The following RYR3 variants were observed in gnomAD, a reference collection of about 807,000 sequenced individuals.
RYR3 encodes the protein ryanodine receptor 3, also known as brain ryanodine receptor-calcium release channel.
A neutral mutation model predicts 584.3 loss-of-function variants in RYR3; 207 were observed. The ratio of observed to expected loss-of-function variants is 0.35; its 90% CI spans 0.32 to 0.40. The LOEUF (loss-of-function observed/expected upper bound fraction) is 0.40, where lower values mean the gene tolerates loss of function less well. RYR3 is among the 10% of genes least tolerant of loss of function. The probability of loss-of-function intolerance (pLI) is 1.00; values close to 1 mark genes in which losing one functional copy is unlikely to be tolerated. For synonymous variants in RYR3, 2,416 were observed against 2,248.5 expected (o/e 1.07, Z -2.11); for missense variants, 5,616 against 6,089.2 (o/e 0.92, Z 2.59).
In RYR3 at chr15:33,838,502, G is replaced by A. The variant is rs771105584; in HGVS notation, c.12522G>A (p.Lys4174=). 2.0e-5 allele frequency: 32 copies of A among 1,613,988 alleles called. No homozygotes were observed. The highest frequency in any genetic ancestry group is 2.5e-5 in the Non-Finnish European group (30 of 1,179,880). The change falls in exon 89 of 104, where the codon AAG becomes AAA. Residue 4174 remains lysine, a synonymous_variant. Coordinates refer to ENST00000634891, the MANE Select transcript of RYR3 (RefSeq NM_001036.6). ...GGAAGCAGTACAGGAACGTGAAAAA[G>A]ATGACTGCGAAGGAGCTGGTGAAGG... is the stretch of plus-strand genomic sequence containing the variant. ...NLRKQYRNVK[K]MTAKELVKVL...
intron 3 of RYR3, among the ~76,000 whole-genome samples, chr15:33,523,788 G>A (rs2054190846): frequency 6.6e-6 from 1 of 152,116 alleles, no homozygotes; most frequent in South Asian, 2.1e-4. Context: ...CAACTGCAAC[G>A]AATCCCTGCA....
At chr15:33,327,712 G>T (rs561061738) in intron 1 of RYR3, among the ~76,000 whole-genome samples, 21 of 152,048 alleles carry the variant, frequency 1.4e-4, no homozygotes, top group South Asian at 2.1e-4. Context: ...CTGCCTGCCT[G>T]CCTTCCTTCC....
At chr15:33,726,575 C>A in intron 46 of RYR3, 69 bp downstream of exon 46, 9 of 1,474,314 alleles carry the variant, frequency 6.1e-6, no homozygotes, top group Non-Finnish European at 8.1e-6. Flanking sequence ...AGGACTCTGT[C>A]CCCAGCACAG....
Position 33,662,753 on chromosome 15 carries a change from T to A in RYR3, c.5223T>A (p.Asp1741Glu), listed in dbSNP as rs902077377. The change falls in exon 35 of 104, where the codon GAT (aspartate) becomes GAA (glutamate). Residue 1741 changes from aspartate to glutamate, a missense_variant. Transcript: ENST00000634891. Reference protein sequence around the residue: ...TLLVMGVFDDDDVRQILLLID... With the variant: ...TLLVMGVFDDEDVRQILLLID... ...TGGTCATGGGCGTGTTTGATGATGA[T>A]GATGTTCGGCAGATCCTCCTCCTGA... 1.2e-5 allele frequency: 19 copies of A among 1,614,018 alleles called. No homozygotes were observed. The highest frequency in any genetic ancestry group is 5.0e-5 in the Admixed American group (3 of 60,006).
At chr15:33,331,300 G>C (rs1970349899) in intron 1 of RYR3, among the ~76,000 whole-genome samples, 1 of 151,896 alleles carries the variant, frequency 6.6e-6, no homozygotes, top group Admixed American at 6.6e-5. Context: ...TAGTCACATA[G>C]TTAAGAAGGC....
At chr15:33,863,029 C>CTGA in intron 102 of RYR3, among the ~76,000 whole-genome samples, 1 of 152,316 alleles carries the variant, frequency 6.6e-6, no homozygotes, top group East Asian at 1.9e-4. Context: ...GAGCCCATGG[C>CTGA]CACGTGTCTG....
chr15:33,503,761 A>C lies in RYR3; in HGVS notation c.279+23A>C, dbSNP rs774451278. The C allele has an allele frequency of 6.7e-6, 10 of 1,494,934 alleles. No individual in the cohort carries two copies. In the South Asian group the frequency reaches 1.2e-4, roughly 17 times the overall value. The allele number at this position is 1,494,934 out of a possible 1,614,324, so 92.6% of individuals were successfully genotyped here. ...GGGGTGAGTACCCGAATTGTGTCCT[A>C]GGTTGGGATTGGGGTGCACCACATC... is the stretch of plus-strand genomic sequence containing the variant. On this transcript the variant is annotated intron_variant, in intron 3 of 103. Transcript: ENST00000634891.
intron 89 of RYR3, chr15:33,840,539 A>T: frequency 2.3e-6 from 1 of 442,534 alleles, no homozygotes; most frequent in Non-Finnish European, 4.0e-6. Context: ...GAGCAGTAGA[A>T]CCACCGCCTT....
chr15:33,411,714 A>G (rs752632845), intron 1 of RYR3, among the ~76,000 whole-genome samples: 22 of 152,338 alleles, frequency 1.4e-4, no homozygotes, highest in Non-Finnish European at 2.8e-4. Context: ...TTATGAGGGT[A>G]TCTGAGGTTT....
chr15:33,572,654 T>TACAC (rs1180776345), intron 12 of RYR3, among the ~76,000 whole-genome samples: 10,646 of 120,794 alleles, frequency 0.088, 587 homozygotes, highest in African/African-American at 0.13. Context: ...AAAAAAACTA[T>TACAC]ATATACACAC....
At chr15:33,419,133 G>C (rs2141585892) in intron 1 of RYR3, among the ~76,000 whole-genome samples, 1 of 152,182 alleles carries the variant, frequency 6.6e-6, no homozygotes, top group East Asian at 1.9e-4. Flanking sequence ...TAAAAGCGAG[G>C]GAATAATGAA....
rs147000081 is a variant in RYR3, at chr15:33,550,307, G to C, written c.963G>C (p.Arg321=). 3.7e-6 allele frequency: 6 copies of C among 1,612,784 alleles called. No homozygotes were observed. In the African/African-American group the frequency reaches 8.0e-5, roughly 22 times the overall value. The change falls in exon 10 of 104, where the codon CGG becomes CGC. Residue 321 remains arginine, a synonymous_variant. Transcript: ENST00000634891. ...SDTKSTAFSF[R]ASKELKEKLD... is the part of the protein sequence containing the mutation. The stretch of plus-strand genomic sequence containing the variant: ...CCAAGTCCACAGCTTTCTCTTTCCG[G>C]GCATCAAAGGTAAGGTGTGATAAAG...
At position 33,693,105 on chromosome 15, in the gene RYR3, G is replaced by C. The variant is rs1221540025; in HGVS notation, c.5861-3113G>C. Among the ~76,000 whole-genome samples, 3 of 152,210 alleles carry C rather than the reference G, an allele frequency of 2.0e-5. No homozygotes were observed. The East Asian group carries it at 5.8e-4, about 29-fold the overall frequency. Reference sequence around the variant, plus strand: ...ATAATTCTTTCAAGCCAAGGTATAGGTTTTAGAGGAAATTGTACTGACGGG... The same window carrying C: ...ATAATTCTTTCAAGCCAAGGTATAGCTTTTAGAGGAAATTGTACTGACGGG... On this transcript the variant is annotated intron_variant, in intron 38 of 103. Coordinates refer to ENST00000634891, the MANE Select transcript of RYR3 (RefSeq NM_001036.6).
intron 1 of RYR3, among the ~76,000 whole-genome samples, chr15:33,317,994 C>G (rs925111730): frequency 5.3e-5 from 8 of 152,192 alleles, no homozygotes; most frequent in Non-Finnish European, 8.8e-5. Context: ...TTATTGGATT[C>G]AATGCCCAAG....
At chr15:33,556,923 T>C (rs1252782103) in intron 10 of RYR3, among the ~76,000 whole-genome samples, 2 of 152,216 alleles carry the variant, frequency 1.3e-5, no homozygotes, top group Non-Finnish European at 2.9e-5. Flanking sequence ...TTGATTTATA[T>C]GTATAACTCA....
chr15:33,636,591 T>G (rs756263708), intron 27 of RYR3, 41 bp downstream of exon 27: 1 of 1,523,606 alleles, frequency 6.6e-7, no homozygotes, highest in South Asian at 1.3e-5. Context: ...TCCATGAGGC[T>G]GGAGGAAAAT....
chr15:33,464,061 C>G (rs2048251842), intron 1 of RYR3, among the ~76,000 whole-genome samples: 1 of 152,092 alleles, frequency 6.6e-6, no homozygotes, highest in Admixed American at 6.5e-5. Context: ...GGCACTGTTT[C>G]AGGCATTGAA....
At chr15:33,634,177 G>A (rs775823539) in intron 24 of RYR3, among the ~76,000 whole-genome samples, 16 of 152,076 alleles carry the variant, frequency 1.1e-4, no homozygotes, top group South Asian at 4.2e-4. Context: ...TCAGCCTCCC[G>A]AGTAGCTGGG....
chr15:33,461,134 C>T (rs2048007011), intron 1 of RYR3, among the ~76,000 whole-genome samples: 6 of 151,632 alleles, frequency 4.0e-5, no homozygotes, highest in African/African-American at 7.3e-5. Flanking sequence ...TTAGTAGAGA[C>T]GGGGTTTCAC....
Sources: gnomAD v4.1 joint callset for allele counts (sites outside exome capture counted in the v4.1 genomes callset) on GRCh38, gnomAD v4.1.1 for gene constraint, MANE v1.5 for transcripts, NCBI Gene and HGNC (gene_info 2026-07-23, HGNC 2026-07-21) for gene names.